The following ZC3H12B variants were observed in gnomAD, a reference collection of about 807,000 sequenced individuals.
The protein encoded by ZC3H12B is probable ribonuclease ZC3H12B.
Under a neutral mutation model 43.9 loss-of-function variants are expected in ZC3H12B, and 7 were observed. The observed-to-expected ratio is 0.16, with a 90% CI of 0.09 to 0.30. The LOEUF (loss-of-function observed/expected upper bound fraction) is 0.30, where lower values mean the gene tolerates loss of function less well. Among genes scored for constraint, ZC3H12B ranks in the 10% least tolerant of loss-of-function variants. The probability of loss-of-function intolerance (pLI) is 1.00; values close to 1 mark genes in which losing one functional copy is unlikely to be tolerated. For synonymous variants in ZC3H12B, 222 were observed against 241.7 expected (o/e 0.92, Z 0.76); for missense variants, 475 against 670.2 (o/e 0.71, Z 3.22).
chrX:65,161,017 T>A, the ZC3H12B span, among the ~76,000 whole-genome samples: 1 of 111,395 alleles, frequency 9.0e-6, no homozygotes, highest in East Asian at 2.8e-4. Flanking sequence ...TTTTGTTATG[T>A]ACCCAGTAGT....
intron 3 of ZC3H12B, among the ~76,000 whole-genome samples, chrX:65,465,080 G>A (rs2067800116): frequency 9.0e-6 from 1 of 111,363 alleles, no homozygotes; most frequent in Admixed American, 9.6e-5. Flanking sequence ...TTCTGCAGCT[G>A]TCAGATGTAA....
At chrX:65,361,512 C>T in the ZC3H12B span, among the ~76,000 whole-genome samples, 1 of 111,984 alleles carries the variant, frequency 8.9e-6, no homozygotes, top group Admixed American at 9.5e-5. Flanking sequence ...GTAAGTAAGG[C>T]TCCAAAGTTC....
the ZC3H12B span, among the ~76,000 whole-genome samples, chrX:65,301,219 C>T: frequency 3.6e-5 from 4 of 111,142 alleles, no homozygotes; most frequent in South Asian, 3.8e-4. Context: ...AAAAGCAACA[C>T]TTTTACACTG....
chrX:65,273,548 A>G, the ZC3H12B span, among the ~76,000 whole-genome samples: 1 of 111,930 alleles, frequency 8.9e-6, no homozygotes, highest in Non-Finnish European at 1.9e-5. Flanking sequence ...GGCATAATGG[A>G]TAAAAACTTC....
the ZC3H12B span, among the ~76,000 whole-genome samples, chrX:65,143,278 G>A: frequency 2.7e-5 from 3 of 110,751 alleles, no homozygotes; most frequent in East Asian, 8.5e-4. Flanking sequence ...TGCAGCTATT[G>A]TAAAGGGGGT....
chrX:65,058,220 C>G, the ZC3H12B span, among the ~76,000 whole-genome samples: 2 of 111,016 alleles, frequency 1.8e-5, no homozygotes, highest in African/African-American at 6.6e-5. Flanking sequence ...GTTTTATCTA[C>G]CTTTGGTCTT....
chrX:65,139,757 T>A, the ZC3H12B span, among the ~76,000 whole-genome samples: 1 of 111,805 alleles, frequency 8.9e-6, no homozygotes, highest in African/African-American at 3.2e-5. Flanking sequence ...TCATTCTCAG[T>A]TTGTTATCAA....
chrX:65,066,810 G>A, the ZC3H12B span, among the ~76,000 whole-genome samples: 1 of 112,111 alleles, frequency 8.9e-6, no homozygotes, highest in Admixed American at 9.4e-5. Flanking sequence ...GACTGGGGCT[G>A]CTGCCTTTCT....
intron 2 of ZC3H12B, among the ~76,000 whole-genome samples, chrX:65,396,608 T>C (rs1275868395): frequency 9.1e-6 from 1 of 109,693 alleles, no homozygotes; most frequent in Admixed American, 9.7e-5. Context: ...TGCTGAGAAG[T>C]GTTTTACTTC....
chrX:65,460,633 T>C (rs1457824605), intron 3 of ZC3H12B, among the ~76,000 whole-genome samples: 3 of 111,863 alleles, frequency 2.7e-5, no homozygotes, highest in African/African-American at 6.5e-5. Context: ...GAATAAATGG[T>C]GCTGGGAAAA....
chrX:65,217,815 C>T, the ZC3H12B span, among the ~76,000 whole-genome samples: 2 of 110,791 alleles, frequency 1.8e-5, no homozygotes, highest in Non-Finnish European at 3.8e-5. Context: ...AGAAAAAGCC[C>T]AAATGGGAAA....
At chrX:65,472,976 G>GTGTATA (rs1238740049) in intron 3 of ZC3H12B, among the ~76,000 whole-genome samples, 3 of 73,513 alleles carry the variant, frequency 4.1e-5, no homozygotes, top group African/African-American at 1.6e-4. Context: ...GTATGTGTGT[G>GTGTATA]TATATATATA....
chrX:65,497,366 T>C (rs2068302785), intron 2 of ZC3H12B, 95 bp downstream of exon 7: 1 of 803,199 alleles, frequency 1.2e-6, no homozygotes, highest in Admixed American at 4.1e-5. Flanking sequence ...TTTTTCAAAG[T>C]TGTTAAGTAT....
chrX:65,179,739 G>T, the ZC3H12B span, among the ~76,000 whole-genome samples: 95 of 111,729 alleles, frequency 8.5e-4, 1 homozygote, highest in East Asian at 0.026. Context: ...TATGCGAATT[G>T]CTACAAAGAA....
At chrX:65,367,411 C>A (rs1285825197) in intron 1 of ZC3H12B, among the ~76,000 whole-genome samples, 1 of 111,446 alleles carries the variant, frequency 9.0e-6, no homozygotes, top group African/African-American at 3.3e-5. Flanking sequence ...TAGAAAAGCA[C>A]CTCACTCTTG....
At chrX:65,153,321 T>G in the ZC3H12B span, among the ~76,000 whole-genome samples, 1 of 111,916 alleles carries the variant, frequency 8.9e-6, no homozygotes, top group Non-Finnish European at 1.9e-5. Flanking sequence ...AGAAAATTTT[T>G]GCAACCTACT....
At chrX:65,350,186 T>G in the ZC3H12B span, among the ~76,000 whole-genome samples, 1 of 111,997 alleles carries the variant, frequency 8.9e-6, no homozygotes, top group Admixed American at 9.5e-5. Context: ...ATCCCTGGGA[T>G]GCAAGGCTGG....
chrX:65,096,579 A>G, the ZC3H12B span, among the ~76,000 whole-genome samples: 1 of 111,533 alleles, frequency 9.0e-6, no homozygotes, highest in Admixed American at 9.6e-5. Flanking sequence ...GCTTGAGGAT[A>G]TATCAGTAGA....
At chrX:65,480,920 A>G in intron 3 of ZC3H12B, among the ~76,000 whole-genome samples, 1 of 111,485 alleles carries the variant, frequency 9.0e-6, no homozygotes, top group Non-Finnish European at 1.9e-5. Flanking sequence ...TCACATACAT[A>G]AAGGTATGCT....
Sources: allele counts gnomAD v4.1 joint callset (sites outside exome capture counted in the v4.1 genomes callset), GRCh38; gene constraint gnomAD v4.1.1; transcripts MANE v1.5; gene names NCBI Gene and HGNC (gene_info 2026-07-23, HGNC 2026-07-21).